The following PCDHGB1 variants were observed in gnomAD, a reference collection of about 807,000 sequenced individuals.
PCDHGB1 encodes the protein protocadherin gamma subfamily B, 1.
Under a neutral mutation model 56.6 loss-of-function variants are expected in PCDHGB1, and 34 were observed. The ratio of observed to expected loss-of-function variants is 0.60; its 90% CI spans 0.46 to 0.80. The LOEUF is 0.80. Among genes scored for constraint, PCDHGB1 ranks in the 30% least tolerant of loss-of-function variants. PCDHGB1 has a pLI of 0.00. For synonymous variants in PCDHGB1, 561 were observed against 505.9 expected, an observed-to-expected ratio of 1.11 and a Z score of -1.46; for missense variants, 1,278 against 1,204.6, an observed-to-expected ratio of 1.06 and a Z score of -0.90.
At chr5:141,469,929 G>C (rs1208858245) in intron 1 of PCDHGB1, among the ~76,000 whole-genome samples, 1 of 152,168 alleles carries the variant, frequency 6.6e-6, no homozygotes, top group Non-Finnish European at 1.5e-5. Context: ...TCAGGAGTTT[G>C]AGACCAGCCT....
chr5:141,408,021 A>C (rs2095027284), intron 1 of PCDHGB1: 1 of 1,036,444 alleles, frequency 9.6e-7, no homozygotes, highest in Non-Finnish European at 1.3e-6. Context: ...AGCCAACAAC[A>C]GAAAGAAGAA....
chr5:141,394,505 C>A (rs1366555133), intron 1 of PCDHGB1: 4 of 1,614,218 alleles, frequency 2.5e-6, no homozygotes, highest in Non-Finnish European at 3.4e-6. Context: ...AGATCCTGTA[C>A]CCCGCCCTCC....
chr5:141,354,064 G>T (rs188093514), intron 1 of PCDHGB1, among the ~76,000 whole-genome samples: 1 of 152,242 alleles, frequency 6.6e-6, no homozygotes, highest in African/African-American at 2.4e-5. Flanking sequence ...ATCCATGTTC[G>T]GCTACCAAAA....
At chr5:141,393,363 A>T (rs1464639963) in intron 1 of PCDHGB1, 1 of 1,613,930 alleles carries the variant, frequency 6.2e-7, no homozygotes, top group South Asian at 1.1e-5. Flanking sequence ...GGACGTGCAG[A>T]CTGGAGACAA....
rs529934949 is a variant in PCDHGB1 at position 141,383,902 on chromosome 5, A to C, written c.2409+31233A>C. ...TAGTCTGACAAAGGCAAAAGTACTG[A>C]TCACAGTTTTAGATGTAAATGATAA... On this transcript the variant is annotated intron_variant, in intron 1 of 3. Coordinates refer to ENST00000523390, the MANE Select transcript of PCDHGB1 (RefSeq NM_018922.3). The C allele has an allele frequency of 4.8e-5, 77 of 1,613,976 alleles. 1 individual carries two copies. The South Asian group carries it at 7.9e-4, about 17-fold the overall frequency.
chr5:141,474,417 C>A (rs1321402346), intron 1 of PCDHGB1, among the ~76,000 whole-genome samples: 1 of 152,222 alleles, frequency 6.6e-6, no homozygotes, highest in African/African-American at 2.4e-5. Context: ...GATGCCTAGA[C>A]CATTGGTCCT....
At chr5:141,441,102 C>G (rs1057297804) in intron 1 of PCDHGB1, 1 of 152,148 alleles carries the variant, frequency 6.6e-6, no homozygotes, top group East Asian at 1.9e-4. Context: ...GAGAGGGACT[C>G]ATTGTCCAGT....
At chr5:141,389,141 C>T (rs919430175) in intron 1 of PCDHGB1, 1 of 1,613,996 alleles carries the variant, frequency 6.2e-7, no homozygotes, top group Non-Finnish European at 8.5e-7. Flanking sequence ...ACAATATAAC[C>T]GTTACGGCAA....
At chr5:141,421,354 G>T in intron 1 of PCDHGB1, 2 of 1,613,980 alleles carry the variant, frequency 1.2e-6, no homozygotes, top group Non-Finnish European at 1.7e-6. Context: ...GACCGAAAAG[G>T]GCTCCTTCGT....
chr5:141,364,250 A>G, intron 1 of PCDHGB1: 2 of 1,482,280 alleles, frequency 1.3e-6, no homozygotes, highest in Non-Finnish European at 1.8e-6. Flanking sequence ...TCGTCAGGGA[A>G]TATGTACCCA....
rs2154594676 is a variant in PCDHGB1, at chr5:141,511,333, G to A, written c.*160G>A. 6.9e-7 allele frequency: 1 copy of A among 1,441,948 alleles called. No homozygotes were observed. Among genetic ancestry groups the A allele is most frequent in the Non-Finnish European group, 9.2e-7 (1 of 1,085,894 alleles). The allele number at this position is 1,441,948 out of a possible 1,614,324, so 89.3% of individuals were successfully genotyped here. On this transcript the variant is annotated 3_prime_UTR_variant, in exon 4 of 4. Transcript: ENST00000523390. Reference sequence around the variant, plus strand: ...GGAAACAGAAACAAGTGCCCAGTCAGCACCTACCCCTTCCCCCCCAGGGGG... The same window carrying A: ...GGAAACAGAAACAAGTGCCCAGTCAACACCTACCCCTTCCCCCCCAGGGGG...
intron 1 of PCDHGB1, chr5:141,355,665 T>C: frequency 6.2e-7 from 1 of 1,614,016 alleles, no homozygotes; most frequent in Non-Finnish European, 8.5e-7. Context: ...TTCCTCTTCC[T>C]GAAGCTTTTG....
intron 1 of PCDHGB1, chr5:141,398,010 G>T (rs10045443): frequency 0.24 from 331,899 of 1,407,782 alleles, 42,930 homozygotes; most frequent in African/African-American, 0.51. Flanking sequence ...AAAAAGAATC[G>T]TTTCCTAAAC....
At chr5:141,361,295 T>C in intron 1 of PCDHGB1, 1 of 1,613,990 alleles carries the variant, frequency 6.2e-7, no homozygotes, top group Non-Finnish European at 8.5e-7. Context: ...TGCCAAGTGT[T>C]GGGAAATGCC....
At chr5:141,400,883 A>G (rs1017003447) in intron 1 of PCDHGB1, among the ~76,000 whole-genome samples, 1 of 152,232 alleles carries the variant, frequency 6.6e-6, no homozygotes, top group Non-Finnish European at 1.5e-5. Flanking sequence ...AATTTAATGT[A>G]TGTAATCATT....
chr5:141,387,227 A>T (rs1220813655), intron 1 of PCDHGB1, among the ~76,000 whole-genome samples: 3 of 152,230 alleles, frequency 2.0e-5, no homozygotes, highest in Non-Finnish European at 4.4e-5. Context: ...AAGTTGAAAT[A>T]AATCAACTTG....
At chr5:141,360,983 A>G in intron 1 of PCDHGB1, 2 of 1,613,804 alleles carry the variant, frequency 1.2e-6, no homozygotes, top group Non-Finnish European at 1.7e-6. Flanking sequence ...TCCTTTCATA[A>G]TGTGGACGAA....
chr5:141,428,167 G>GCGTGA (rs746443726), intron 1 of PCDHGB1: 3 of 1,548,998 alleles, frequency 1.9e-6, no homozygotes, highest in South Asian at 1.1e-5. Context: ...TGGTTGCTGT[G>GCGTGA]CGTGACGGAG....
intron 1 of PCDHGB1, chr5:141,408,732 A>AT: frequency 2.5e-6 from 4 of 1,610,016 alleles, no homozygotes; most frequent in Non-Finnish European, 3.4e-6. Context: ...TCTAATCCTT[A>AT]TTTTTCATTA....
Sources: allele counts gnomAD v4.1 joint callset (sites outside exome capture counted in the v4.1 genomes callset), GRCh38; gene constraint gnomAD v4.1.1; transcripts MANE v1.5; gene names NCBI Gene and HGNC (gene_info 2026-07-23, HGNC 2026-07-21).